AKAP19: variants seen among roughly 807,000 people sequenced by gnomAD.
The protein encoded by AKAP19 is small A-kinase anchoring protein.
chr2:189,969,513 G>A, the AKAP19 span, among the ~76,000 whole-genome samples: 6 of 151,810 alleles, frequency 4.0e-5, no homozygotes, highest in South Asian at 2.1e-4. Context: ...GGTGGATCAC[G>A]AGGCCAGGAG....
chr2:190,139,860 T>C, the AKAP19 span, among the ~76,000 whole-genome samples: 1 of 152,076 alleles, frequency 6.6e-6, no homozygotes, highest in Non-Finnish European at 1.5e-5. Flanking sequence ...AGTGCCCCAA[T>C]ATCTTAACTC....
At chr2:190,125,759 A>G in the AKAP19 span, among the ~76,000 whole-genome samples, 2 of 152,118 alleles carry the variant, frequency 1.3e-5, no homozygotes, top group African/African-American at 4.8e-5. Context: ...CATGAATGTA[A>G]TACTGAGGGG....
chr2:189,951,470 T>G, the AKAP19 span, among the ~76,000 whole-genome samples: 1 of 152,276 alleles, frequency 6.6e-6, no homozygotes, highest in African/African-American at 2.4e-5. Context: ...TCCAAAGTGC[T>G]GGGATTATAG....
the AKAP19 span, among the ~76,000 whole-genome samples, chr2:190,014,033 C>T: frequency 6.6e-6 from 1 of 151,930 alleles, no homozygotes; most frequent in Non-Finnish European, 1.5e-5. Context: ...TATTTGAGAT[C>T]GTCTTTTTTT....
chr2:190,145,238 G>C, the AKAP19 span, among the ~76,000 whole-genome samples: 1 of 152,210 alleles, frequency 6.6e-6, no homozygotes, highest in Non-Finnish European at 1.5e-5. Flanking sequence ...AGTAAGCAGA[G>C]ATCACATGAC....
At chr2:190,180,759 C>T in the AKAP19 span, 15 of 985,244 alleles carry the variant, frequency 1.5e-5, 1 homozygote, top group South Asian at 7.0e-4. The surrounding 1 kb of genome is among the most constrained non-coding windows in gnomAD (Gnocchi z 6.8). Context: ...ATCTGGAGGC[C>T]AGGTGCGGGC....
At chr2:189,954,716 G>T in the AKAP19 span, among the ~76,000 whole-genome samples, 1 of 152,138 alleles carries the variant, frequency 6.6e-6, no homozygotes, top group Non-Finnish European at 1.5e-5. Flanking sequence ...GTTGGCATAT[G>T]TCAGAGTAAT....
chr2:190,164,434 G>A, the AKAP19 span, among the ~76,000 whole-genome samples: 1 of 152,178 alleles, frequency 6.6e-6, no homozygotes, highest in African/African-American at 2.4e-5. Context: ...GGGCGGCTGA[G>A]GTGGGAGGAT....
chr2:190,092,357 T>A, the AKAP19 span, among the ~76,000 whole-genome samples: 1 of 151,704 alleles, frequency 6.6e-6, no homozygotes, highest in East Asian at 1.9e-4. Flanking sequence ...ACATCAATTG[T>A]CCTACACATT....
the AKAP19 span, chr2:190,200,351 TTA>T: frequency 3.6e-6 from 2 of 554,182 alleles, no homozygotes; most frequent in Non-Finnish European, 6.6e-6. Flanking sequence ...GTCTTAGATT[TTA>T]GTCATCTGAA....
chr2:189,909,564 C>A, the AKAP19 span, among the ~76,000 whole-genome samples: 10 of 152,040 alleles, frequency 6.6e-5, no homozygotes, highest in Admixed American at 1.3e-4. Flanking sequence ...TTACATGAAA[C>A]GTGTTATATT....
chr2:190,037,987 T>G, the AKAP19 span, among the ~76,000 whole-genome samples: 10 of 152,336 alleles, frequency 6.6e-5, no homozygotes, highest in African/African-American at 2.4e-4. Flanking sequence ...ATGTTGCTTT[T>G]AAGATAAATT....
At chr2:190,147,360 T>A in the AKAP19 span, among the ~76,000 whole-genome samples, 51 of 152,368 alleles carry the variant, frequency 3.3e-4, no homozygotes, top group Non-Finnish European at 5.7e-4. Context: ...TTGGTCTATG[T>A]GCCTATTTTT....
the AKAP19 span, among the ~76,000 whole-genome samples, chr2:190,072,091 A>G: frequency 6.6e-6 from 1 of 152,206 alleles, no homozygotes; most frequent in Admixed American, 6.5e-5. Context: ...AAAAAGAACG[A>G]AATCATGTTC....
At chr2:190,175,476 T>C in the AKAP19 span, among the ~76,000 whole-genome samples, 2 of 152,256 alleles carry the variant, frequency 1.3e-5, no homozygotes, top group African/African-American at 4.8e-5. Context: ...TCTCATGCTC[T>C]GCATTAAACT....
chr2:189,892,986 G>A, the AKAP19 span, among the ~76,000 whole-genome samples: 63 of 152,196 alleles, frequency 4.1e-4, no homozygotes, highest in African/African-American at 1.3e-3. Flanking sequence ...GCCTAGCTGC[G>A]GTAGGCTCTG....
the AKAP19 span, among the ~76,000 whole-genome samples, chr2:190,083,827 G>C: frequency 6.6e-6 from 1 of 152,174 alleles, no homozygotes; most frequent in Non-Finnish European, 1.5e-5. Flanking sequence ...TGATAATTTA[G>C]AGGAGGCTTA....
At chr2:190,166,089 A>G in the AKAP19 span, among the ~76,000 whole-genome samples, 5 of 152,052 alleles carry the variant, frequency 3.3e-5, no homozygotes, top group East Asian at 7.7e-4. Context: ...ACAAAGGAAT[A>G]TAATAGAAGA....
At chr2:189,948,990 C>T in the AKAP19 span, among the ~76,000 whole-genome samples, 141,202 of 152,122 alleles carry the variant, frequency 0.93, 65,573 homozygotes, top group East Asian at 0.97. Context: ...CTTTGCTAAA[C>T]GCTTAAAGTA....
Sources: gnomAD v4.1 joint callset for allele counts (sites outside exome capture counted in the v4.1 genomes callset) on GRCh38, gnomAD v4.1.1 for gene constraint, Gnocchi (gnomAD v3.1) non-coding constraint, MANE v1.5 for transcripts, NCBI Gene and HGNC (gene_info 2026-07-23, HGNC 2026-07-21) for gene names.